The following ERC2 variants were observed in gnomAD, a reference collection of about 807,000 sequenced individuals.
ERC2 encodes the protein ELKS/RAB6-interacting/CAST family member 2.
In ERC2, 42 loss-of-function variants were observed where a neutral mutation model predicts 114.8. The ratio of observed to expected loss-of-function variants is 0.37; its 90% CI spans 0.29 to 0.47. ERC2 has a LOEUF of 0.47. Among genes scored for constraint, ERC2 ranks in the 20% least tolerant of loss-of-function variants. The probability of loss-of-function intolerance (pLI) is 0.99; values close to 1 mark genes in which losing one functional copy is unlikely to be tolerated. For missense variants in ERC2, 939 were observed against 1,150.7 expected (o/e 0.82, Z 2.66); for synonymous variants, 454 against 425.5 (o/e 1.07, Z -0.82).
intron 1 of ERC2, among the ~76,000 whole-genome samples, chr3:56,460,996 A>G (rs2063292816): frequency 6.8e-6 from 1 of 147,914 alleles, no homozygotes; most frequent in South Asian, 2.1e-4. Flanking sequence ...GATGGCATAA[A>G]GGCTTTTTTT....
chr3:55,616,631 C>CTT (rs11289307), intron 17 of ERC2, among the ~76,000 whole-genome samples: 7 of 142,012 alleles, frequency 4.9e-5, no homozygotes, highest in African/African-American at 1.3e-4. Context: ...AGTTATTGTG[C>CTT]TTTTTTTTTT....
intron 6 of ERC2, among the ~76,000 whole-genome samples, chr3:56,129,113 CT>C (rs2080055338): frequency 1.3e-5 from 2 of 152,190 alleles, no homozygotes; most frequent in South Asian, 4.1e-4. Flanking sequence ...GTATTCCTCC[CT>C]TTTTCTTAAT....
At chr3:56,390,543 G>A (rs1295214983) in intron 2 of ERC2, among the ~76,000 whole-genome samples, 2 of 152,144 alleles carry the variant, frequency 1.3e-5, no homozygotes, top group East Asian at 3.8e-4. Flanking sequence ...AGGTTTAGAG[G>A]GGAAGTCTCA....
intron 3 of ERC2, among the ~76,000 whole-genome samples, chr3:56,245,483 C>T (rs908055444): frequency 6.2e-5 from 9 of 144,752 alleles, no homozygotes; most frequent in South Asian, 2.4e-4. Flanking sequence ...ATTTGCCAGA[C>T]GTATGTATGT....
At chr3:55,553,999 C>T (rs1305184458) in intron 17 of ERC2, among the ~76,000 whole-genome samples, 1 of 152,056 alleles carries the variant, frequency 6.6e-6, no homozygotes. Context: ...TGGAATAGTG[C>T]CTTTAGAACT....
intron 2 of ERC2, among the ~76,000 whole-genome samples, chr3:56,309,984 A>G (rs1170625454): frequency 6.6e-6 from 1 of 152,210 alleles, no homozygotes; most frequent in East Asian, 1.9e-4. Flanking sequence ...AAATAAGAGA[A>G]AAAGGGAAAT....
intron 3 of ERC2, among the ~76,000 whole-genome samples, chr3:56,272,464 A>G (rs971229604): frequency 6.6e-6 from 1 of 152,238 alleles, no homozygotes; most frequent in Non-Finnish European, 1.5e-5. Context: ...CTCCATCTAG[A>G]AAGAAATGGA....
intron 17 of ERC2, among the ~76,000 whole-genome samples, chr3:55,626,740 A>G (rs745533168): frequency 6.6e-6 from 1 of 152,248 alleles, no homozygotes; most frequent in Non-Finnish European, 1.5e-5. Flanking sequence ...TACCCACCAT[A>G]GAAGCTCCAC....
chr3:56,411,678 C>T (rs1017907272), intron 2 of ERC2, among the ~76,000 whole-genome samples: 2 of 152,144 alleles, frequency 1.3e-5, no homozygotes, highest in Non-Finnish European at 2.9e-5. Context: ...TATGACACTA[C>T]TCTTTTTAGC....
At chr3:55,907,243 G>A (rs1365702055) in intron 13 of ERC2, among the ~76,000 whole-genome samples, 1 of 152,200 alleles carries the variant, frequency 6.6e-6, no homozygotes, top group African/African-American at 2.4e-5. Context: ...ATGCTGGGTA[G>A]AGAAAGAATG....
At chr3:55,904,720 A>C (rs908615213) in intron 13 of ERC2, among the ~76,000 whole-genome samples, 2 of 152,224 alleles carry the variant, frequency 1.3e-5, no homozygotes, top group Non-Finnish European at 2.9e-5. Context: ...GGGGGGAAAC[A>C]CATTTCTGAA....
chr3:55,869,986 C>T (rs565261253), intron 14 of ERC2, among the ~76,000 whole-genome samples: 80 of 152,082 alleles, frequency 5.3e-4, no homozygotes, highest in African/African-American at 1.7e-3. Context: ...TGTGAAAAAC[C>T]GAATACATCA....
At chr3:56,364,573 T>G (rs924604967) in intron 2 of ERC2, among the ~76,000 whole-genome samples, 1 of 152,196 alleles carries the variant, frequency 6.6e-6, no homozygotes, top group East Asian at 1.9e-4. Flanking sequence ...CAGAGGAAGA[T>G]TCTCCTAACT....
intron 10 of ERC2, among the ~76,000 whole-genome samples, chr3:55,998,096 C>A (rs996621417): frequency 6.6e-6 from 1 of 151,352 alleles, no homozygotes. Context: ...GGAAATTATT[C>A]ACTCACAATT....
Position 55,895,696 on chromosome 3 carries a change from A to G in ERC2, c.2404-7147T>C, listed in dbSNP as rs578014472. On this transcript the variant is annotated intron_variant, in intron 13 of 17. Transcript: ENST00000288221. The stretch of plus-strand genomic sequence containing the variant: ...GACATAGCACCAGTATCCACACTCA[A>G]TAAATACCTATGCAATGGGAGGAAG... Among the ~76,000 whole-genome samples, 7 of 152,308 alleles carry G rather than the reference A, an allele frequency of 4.6e-5. No homozygotes were observed. In the South Asian group the frequency reaches 1.0e-3, roughly 23 times the overall value.
At chr3:55,850,265 TG>T (rs1195067500) in intron 14 of ERC2, among the ~76,000 whole-genome samples, 2 of 151,778 alleles carry the variant, frequency 1.3e-5, no homozygotes, top group African/African-American at 2.4e-5. Flanking sequence ...TAATTACATC[TG>T]AAAAGACCCT....
Position 56,146,916 on chromosome 3 carries a change from A to C in ERC2, c.1305+2061T>G, listed in dbSNP as rs183525893. Among the ~76,000 whole-genome samples, 10 of 152,358 alleles carry C rather than the reference A, an allele frequency of 6.6e-5. No individual in the cohort carries two copies. In the East Asian group the frequency reaches 1.9e-3, roughly 29 times the overall value. ...AGCCATTAAAAGTTAAATCTAACTCAAGGATTGATGGTCTCTCAGACAAAC... is the reference window on the plus strand; with the variant it reads ...AGCCATTAAAAGTTAAATCTAACTCCAGGATTGATGGTCTCTCAGACAAAC... On this transcript the variant is annotated intron_variant, in intron 5 of 17. Coordinates refer to ENST00000288221, the MANE Select transcript of ERC2 (RefSeq NM_015576.3).
chr3:55,857,185 A>C (rs976621909), intron 14 of ERC2, among the ~76,000 whole-genome samples: 1 of 152,200 alleles, frequency 6.6e-6, no homozygotes, highest in Non-Finnish European at 1.5e-5. Context: ...AATTTTATAA[A>C]TGTTAAAAAA....
chr3:56,188,936 C>T (rs569135876), intron 3 of ERC2, among the ~76,000 whole-genome samples: 1 of 152,330 alleles, frequency 6.6e-6, no homozygotes, highest in South Asian at 2.1e-4. Flanking sequence ...TAACATCTTA[C>T]TGGCCATTCA....
Sources: gnomAD v4.1 joint callset for allele counts (sites outside exome capture counted in the v4.1 genomes callset) on GRCh38, gnomAD v4.1.1 for gene constraint, MANE v1.5 for transcripts, NCBI Gene and HGNC (gene_info 2026-07-23, HGNC 2026-07-21) for gene names.